The following SPAG16 variants were observed in gnomAD, a reference collection of about 807,000 sequenced individuals.
The protein encoded by SPAG16 is sperm associated antigen 16, also known as sperm-associated antigen 16 protein.
A neutral mutation model predicts 80.4 loss-of-function variants in SPAG16; 86 were observed. That is an observed-to-expected ratio of 1.07 (90% confidence interval 0.90 to 1.28). The LOEUF (loss-of-function observed/expected upper bound fraction) is 1.28. Ranked by LOEUF, SPAG16 falls within the 50% of genes most tolerant of loss-of-function variation. The pLI, the probability that SPAG16 is intolerant of heterozygous loss-of-function variation, is 0.00. For synonymous variants in SPAG16, 294 were observed against 265.9 expected (o/e 1.11, Z -1.03); for missense variants, 870 against 765.3 (o/e 1.14, Z -1.61).
At chr2:213,493,502 C>T (rs2074353830) in intron 10 of SPAG16, among the ~76,000 whole-genome samples, 1 of 152,166 alleles carries the variant, frequency 6.6e-6, no homozygotes, top group Non-Finnish European at 1.5e-5. Flanking sequence ...AGATGTCTTT[C>T]TTCTACTCTT....
rs528632710 is a variant in SPAG16, at chr2:213,515,343, A to G, written c.1070+25253A>G. 2.6e-5 allele frequency among the ~76,000 whole-genome samples: 4 copies of G among 152,266 alleles called. No individual in the cohort carries two copies. In the South Asian group the frequency reaches 8.3e-4, roughly 32 times the overall value. ...TAACAGCCTCACATTGTTAGATGCG[A>G]GGAAGTCACATTGATGACTTCCTTT... On this transcript the variant is annotated intron_variant, in intron 10 of 15. Coordinates refer to ENST00000331683, the MANE Select transcript of SPAG16 (RefSeq NM_024532.5).
intron 13 of SPAG16, among the ~76,000 whole-genome samples, chr2:214,031,351 C>A (rs2048399169): frequency 6.9e-6 from 1 of 145,418 alleles, no homozygotes; most frequent in African/African-American, 2.6e-5. Flanking sequence ...AAAAACCAAA[C>A]ACCGCATGTT....
chr2:213,643,452 A>C (rs2062700864), intron 10 of SPAG16, among the ~76,000 whole-genome samples: 1 of 123,220 alleles, frequency 8.1e-6, no homozygotes, highest in African/African-American at 3.0e-5. Flanking sequence ...TTTATCTTTC[A>C]TCTTTGGGAG....
chr2:213,759,217 T>C (rs1299792678), intron 10 of SPAG16, among the ~76,000 whole-genome samples: 1 of 152,100 alleles, frequency 6.6e-6, no homozygotes, highest in East Asian at 1.9e-4. Context: ...TGAAGTTGTG[T>C]AAAGAAATAA....
chr2:213,901,564 A>G (rs188005358), intron 11 of SPAG16, among the ~76,000 whole-genome samples: 11 of 152,218 alleles, frequency 7.2e-5, no homozygotes, highest in African/African-American at 2.6e-4. Context: ...AGGAGGAAAA[A>G]ATGATCTCTG....
At chr2:213,521,836 A>G (rs1161345163) in intron 10 of SPAG16, among the ~76,000 whole-genome samples, 2 of 152,234 alleles carry the variant, frequency 1.3e-5, no homozygotes, top group African/African-American at 2.4e-5. Context: ...ACCATTACAA[A>G]TGGTAAAGTT....
chr2:213,305,285 A>G (rs1459517909), intron 3 of SPAG16, among the ~76,000 whole-genome samples: 1 of 152,164 alleles, frequency 6.6e-6, no homozygotes, highest in African/African-American at 2.4e-5. Context: ...CGAGTATAAC[A>G]TCATAGCATT....
At chr2:213,377,050 A>G (rs924940909) in intron 9 of SPAG16, among the ~76,000 whole-genome samples, 4 of 152,154 alleles carry the variant, frequency 2.6e-5, no homozygotes, top group Non-Finnish European at 5.9e-5. Context: ...TAATTTTCAA[A>G]AAGGGCCAAT....
At chr2:214,278,661 GA>G (rs1298837837) in intron 15 of SPAG16, among the ~76,000 whole-genome samples, 1 of 152,082 alleles carries the variant, frequency 6.6e-6, no homozygotes, top group Non-Finnish European at 1.5e-5. Flanking sequence ...ATAAAATGAG[GA>G]AATATGAGGG....
At chr2:213,306,412 G>A (rs932599274) in intron 3 of SPAG16, among the ~76,000 whole-genome samples, 1 of 149,120 alleles carries the variant, frequency 6.7e-6, no homozygotes, top group African/African-American at 2.5e-5. Flanking sequence ...GTCTCTCGGG[G>A]TTAGGGGAGG....
At chr2:214,165,469 C>CTTTTTTTTTTTTTT (rs67726428) in intron 15 of SPAG16, among the ~76,000 whole-genome samples, 2 of 37,842 alleles carry the variant, frequency 5.3e-5, no homozygotes, top group African/African-American at 2.8e-4. Flanking sequence ...CATCACCATC[C>CTTTTTTTTTTTTTT]TTTTTTTTTT....
chr2:214,000,149 C>G (rs917699220), intron 12 of SPAG16, among the ~76,000 whole-genome samples: 3 of 152,042 alleles, frequency 2.0e-5, no homozygotes, highest in Admixed American at 2.0e-4. Context: ...TGGTTTGGCT[C>G]TGTGTCCCCA....
chr2:213,578,011 A>G (rs1472959644), intron 10 of SPAG16, among the ~76,000 whole-genome samples: 1 of 152,068 alleles, frequency 6.6e-6, no homozygotes, highest in East Asian at 1.9e-4. Flanking sequence ...GAACCTGATT[A>G]TCATAACATA....
chr2:214,379,723 G>A (rs904594487), intron 15 of SPAG16, among the ~76,000 whole-genome samples: 9 of 152,318 alleles, frequency 5.9e-5, no homozygotes, highest in African/African-American at 1.9e-4. Context: ...TCCTTTAATT[G>A]TAAGGGAAAT....
intron 10 of SPAG16, among the ~76,000 whole-genome samples, chr2:213,519,062 G>T (rs1159912740): frequency 6.6e-6 from 1 of 152,144 alleles, no homozygotes; most frequent in African/African-American, 2.4e-5. Context: ...AGACACTGTG[G>T]ACTACCGGTG....
intron 4 of SPAG16, among the ~76,000 whole-genome samples, chr2:213,314,728 A>G (rs1236178722): frequency 6.6e-6 from 1 of 151,850 alleles, no homozygotes; most frequent in Non-Finnish European, 1.5e-5. Context: ...TTCCTCATAG[A>G]AAATTTCTCT....
chr2:214,014,927 C>T (rs2047509292), intron 13 of SPAG16, among the ~76,000 whole-genome samples: 1 of 152,096 alleles, frequency 6.6e-6, no homozygotes, highest in African/African-American at 2.4e-5. Flanking sequence ...AGCATAGCCT[C>T]CAGCCAGAAG....
intron 14 of SPAG16, among the ~76,000 whole-genome samples, chr2:214,140,221 T>C (rs1417250169): frequency 6.6e-6 from 1 of 151,930 alleles, no homozygotes; most frequent in Non-Finnish European, 1.5e-5. Context: ...TTTTTTGTTT[T>C]GTTTGTCACC....
At chr2:213,302,779 A>G (rs1037992128) in intron 3 of SPAG16, among the ~76,000 whole-genome samples, 2 of 152,140 alleles carry the variant, frequency 1.3e-5, no homozygotes, top group Non-Finnish European at 2.9e-5. Context: ...TTCTGTGGGA[A>G]TGCTTCAAGG....
Sources: gnomAD v4.1 joint callset for allele counts (sites outside exome capture counted in the v4.1 genomes callset) on GRCh38, gnomAD v4.1.1 for gene constraint, MANE v1.5 for transcripts, NCBI Gene and HGNC (gene_info 2026-07-23, HGNC 2026-07-21) for gene names.